The following YME1L1 variants were observed in gnomAD, a reference collection of about 807,000 sequenced individuals.
The protein encoded by YME1L1 is YME1 like 1 ATPase.
A neutral mutation model predicts 90.4 loss-of-function variants in YME1L1; 39 were observed. The ratio of observed to expected loss-of-function variants is 0.43; its 90% CI spans 0.33 to 0.56. The LOEUF is 0.56. Among genes scored for constraint, YME1L1 ranks in the 20% least tolerant of loss-of-function variants. The pLI is 0.03. For missense variants in YME1L1, 617 were observed against 868.4 expected (o/e 0.71, Z 3.64); for synonymous variants, 284 against 287.3 (o/e 0.99, Z 0.12).
At chr10:27,145,894 T>A (rs1416833883) in intron 2 of YME1L1, 1 of 180,300 alleles carries the variant, frequency 5.5e-6, no homozygotes, top group Non-Finnish European at 1.2e-5. Context: ...ACCACTACTG[T>A]CCTAAGCATT....
At chr10:27,122,750 C>T (rs2056879700) in intron 11 of YME1L1, 91 bp downstream of exon 11, 14 of 1,541,558 alleles carry the variant, frequency 9.1e-6, no homozygotes, top group Non-Finnish European at 1.1e-5. Context: ...TATGAAATGC[C>T]TTATGGAAAT....
intron 1 of YME1L1, chr10:27,153,081 C>A: frequency 2.4e-6 from 1 of 419,742 alleles, no homozygotes; most frequent in South Asian, 1.7e-5. Flanking sequence ...TTTGTTCCTT[C>A]AACCTGCTAA....
At chr10:27,116,020 C>T in intron 17 of YME1L1, 40 bp downstream of exon 17, 8 of 1,543,762 alleles carry the variant, frequency 5.2e-6, no homozygotes, top group Non-Finnish European at 7.1e-6. Flanking sequence ...ACACTTGACA[C>T]ATAATTTGAT....
At chr10:27,119,053 T>C (rs959502462) in intron 14 of YME1L1, among the ~76,000 whole-genome samples, 2 of 152,236 alleles carry the variant, frequency 1.3e-5, no homozygotes, top group African/African-American at 4.8e-5. Flanking sequence ...ATCAGTTCTG[T>C]ATCACTGACA....
chr10:27,152,527 G>A (rs576676578), intron 1 of YME1L1, among the ~76,000 whole-genome samples: 1 of 152,264 alleles, frequency 6.6e-6, no homozygotes, highest in Non-Finnish European at 1.5e-5. Context: ...TTCAGTTGAT[G>A]GTAAATTCTC....
In YME1L1 at chr10:27,145,451, T is replaced by A. The variant is rs187142528; in HGVS notation, c.308A>T (p.Gln103Leu). The change falls in exon 3 of 19, where the codon CAA becomes CTA. Residue 103 changes from glutamine (Q) to leucine (L), a missense_variant. This residue lies in a region of YME1L1 where 311 missense variants were observed against 335.8 expected (regional missense o/e 0.93). Transcript: ENST00000376016. ...SHWHTSHVSA[Q>L]SFFENKYGNL... The stretch of plus-strand genomic sequence containing the variant: ...ACCATATTTATTTTCAAAGAAGGAT[T>A]GTGCAGAGACATGGGATGTATGCCA... 206 of 1,608,604 alleles carry A rather than the reference T, an allele frequency of 1.3e-4. No individual in the cohort carries two copies. In the East Asian group the frequency reaches 3.5e-3, roughly 27 times the overall value.
Position 27,131,947 on chromosome 10 carries a change from G to A in YME1L1, c.776-6C>T, listed in dbSNP as rs746192466. The A allele has an allele frequency of 3.7e-6, 6 of 1,602,496 alleles. No individual in the cohort carries two copies. Among genetic ancestry groups the A allele is most frequent in the Non-Finnish European group, 5.1e-6 (6 of 1,175,854 alleles). ...TGTTGTTGTCCGGAAGCGGACTAAA[G>A]GGAAGAAAAGAAATGTTTATATTTG... On this transcript the variant is annotated splice_region_variant and splice_polypyrimidine_tract_variant and intron_variant, in intron 7 of 18. Coordinates refer to ENST00000376016, the MANE Select transcript of YME1L1 (RefSeq NM_014263.4).
chr10:27,125,458 G>GAAAAAAAAAAAA (rs68143135), intron 9 of YME1L1, among the ~76,000 whole-genome samples: 4 of 107,708 alleles, frequency 3.7e-5, no homozygotes, highest in East Asian at 3.0e-4. Flanking sequence ...TGTTTCATTT[G>GAAAAAAAAAAAA]AAAAAAAAAA....
chr10:27,150,663 A>G (rs186212367), intron 1 of YME1L1, among the ~76,000 whole-genome samples: 1 of 152,224 alleles, frequency 6.6e-6, no homozygotes, highest in South Asian at 2.1e-4. Flanking sequence ...CTCCCACCAG[A>G]CCATGACAGT....
At chr10:27,148,746 T>C (rs966531625) in intron 2 of YME1L1, among the ~76,000 whole-genome samples, 160 bp downstream of exon 2, 2 of 147,218 alleles carry the variant, frequency 1.4e-5, no homozygotes, top group Non-Finnish European at 2.9e-5. Context: ...TAAGGCTTCC[T>C]GGTCAATAGT....
intron 13 of YME1L1, 45 bp from the exon 14 acceptor site, chr10:27,119,494 A>C (rs1425403392): frequency 4.4e-5 from 68 of 1,559,210 alleles, no homozygotes; most frequent in East Asian, 6.9e-5. Flanking sequence ...TAAAACAGGT[A>C]AAAGAAAGCT....
chr10:27,120,456 T>C lies in YME1L1; in HGVS notation c.1390A>G (p.Asn464Asp). The C allele has an allele frequency of 6.2e-7, 1 of 1,612,386 alleles. No homozygotes were observed. Among genetic ancestry groups the C allele is most frequent in the Non-Finnish European group, 8.5e-7 (1 of 1,178,630 alleles). ...TTACATTGATCAAACTTTATTTTAT[T>C]GAGATACCATTTCAAAATTTCTGTT... The part of the protein sequence containing the change: ...GRTEILKWYL[N>D]KIKFDQSVDP... Residue 464 changes from asparagine to aspartate, a missense_variant, in exon 13 of 19, where the codon AAT becomes GAT. By Grantham distance (23) the Asn-to-Asp change is conservative (BLOSUM62 1). This residue lies in a region of YME1L1 where 212 missense variants were observed against 330.0 expected (regional missense o/e 0.64). Transcript: ENST00000376016.
At position 27,122,811 on chromosome 10, in the gene YME1L1, A is replaced by G. The variant is rs774314542; in HGVS notation, c.1235+30T>C. ...ATATCAAATGCTGGGAGGCATCACC[A>G]TATTCTAAGAAAAAAGAAGACTCAA... On this transcript the variant is annotated intron_variant, in intron 11 of 18. Coordinates refer to ENST00000376016, the MANE Select transcript of YME1L1 (RefSeq NM_014263.4). 1.9e-6 allele frequency: 3 copies of G among 1,611,474 alleles called. No individual in the cohort carries two copies. In the Admixed American group the frequency reaches 5.0e-5, roughly 27 times the overall value.
At position 27,110,465 on chromosome 10, in the gene YME1L1, T is replaced by C. The variant is rs781434511; in HGVS notation, c.*1512A>G. ...ATATACAGCTTAAATTATTAGGAAA[T>C]TGTAGATAATTTTAATGAAGTCAAC... On this transcript the variant is annotated 3_prime_UTR_variant, in exon 19 of 19. Transcript: ENST00000376016. The C allele has an allele frequency of 8.5e-5, 13 of 152,164 alleles. No homozygotes were observed. Among genetic ancestry groups the C allele is most frequent in the Non-Finnish European group, 1.5e-4 (10 of 68,028 alleles). The allele number at this position is 152,164 out of a possible 1,614,324, so 9.4% of individuals were successfully genotyped here. A position where few individuals can be genotyped will look rare whatever the true frequency, so the allele number is the denominator to read the frequency against.
At chr10:27,113,199 G>C (rs1487956917) in intron 18 of YME1L1, among the ~76,000 whole-genome samples, 2 of 108,722 alleles carry the variant, frequency 1.8e-5, no homozygotes, top group Non-Finnish European at 3.5e-5. Flanking sequence ...CAGCCTGGGT[G>C]ACAGGGCAAG....
chr10:27,137,095 G>C (rs1378015962), intron 4 of YME1L1, among the ~76,000 whole-genome samples: 1 of 149,910 alleles, frequency 6.7e-6, no homozygotes, highest in Non-Finnish European at 1.5e-5. Context: ...ACATGTTTTT[G>C]GTAATTACAT....
chr10:27,145,682 T>G, intron 2 of YME1L1, 92 bp from the exon 3 acceptor site: 1 of 1,069,644 alleles, frequency 9.3e-7, no homozygotes, highest in Non-Finnish European at 1.3e-6. Flanking sequence ...AATCAGATTT[T>G]AAAAGTCTAA....
chr10:27,119,198 C>G, intron 14 of YME1L1, 96 bp downstream of exon 14: 1 of 1,181,186 alleles, frequency 8.5e-7, no homozygotes, highest in Non-Finnish European at 1.1e-6. Flanking sequence ...TTCAACATAG[C>G]CATGGCTTTA....
At chr10:27,133,646 C>T (rs1305484800) in intron 7 of YME1L1, among the ~76,000 whole-genome samples, 2 of 151,830 alleles carry the variant, frequency 1.3e-5, no homozygotes, top group African/African-American at 4.8e-5. Context: ...ATTGGAACCA[C>T]GTAAGTCTGA....
Sources: allele counts gnomAD v4.1 joint callset (sites outside exome capture counted in the v4.1 genomes callset), GRCh38; gene constraint gnomAD v4.1.1; regional missense constraint gnomAD v4.1.1; transcripts MANE v1.5; gene names NCBI Gene and HGNC (gene_info 2026-07-23, HGNC 2026-07-21).